COMMD1: variants seen among roughly 807,000 people sequenced by gnomAD.
The protein encoded by COMMD1 is copper metabolism domain containing 1.
A neutral mutation model predicts 17.2 loss-of-function variants in COMMD1; 10 were observed. That is an observed-to-expected ratio of 0.58 (90% CI 0.36 to 0.99). The LOEUF (loss-of-function observed/expected upper bound fraction) is 0.99, where lower values mean the gene tolerates loss of function less well. COMMD1 is among the 50% of genes least tolerant of loss of function. COMMD1 has a pLI of 0.01. For missense variants in COMMD1, 270 were observed against 231.8 expected (o/e 1.17, Z -1.07); for synonymous variants, 97 against 91.6 (o/e 1.06, Z -0.34).
At chr2:61,916,064 G>A (rs552436594) in intron 1 of COMMD1, among the ~76,000 whole-genome samples, 12 of 151,932 alleles carry the variant, frequency 7.9e-5, no homozygotes, top group Middle Eastern at 3.2e-3. Flanking sequence ...TTGACCTGTC[G>A]GGCTCAAGTG....
At chr2:61,909,413 C>T (rs1173826351) in intron 1 of COMMD1, among the ~76,000 whole-genome samples, 1 of 152,118 alleles carries the variant, frequency 6.6e-6, no homozygotes, top group African/African-American at 2.4e-5. Flanking sequence ...GCCATTTTTG[C>T]TGCCCTTGAA....
chr2:62,021,190 T>C (rs748491144), intron 2 of COMMD1, among the ~76,000 whole-genome samples: 11 of 152,176 alleles, frequency 7.2e-5, no homozygotes, highest in Non-Finnish European at 1.3e-4. Context: ...GTACTTGGGA[T>C]TTGAATTTTG....
At chr2:62,025,637 A>C (rs550893838) in intron 2 of COMMD1, among the ~76,000 whole-genome samples, 10 of 152,090 alleles carry the variant, frequency 6.6e-5, no homozygotes, top group Non-Finnish European at 1.2e-4. Context: ...GCTTTCTGAC[A>C]GGTAAGTAAA....
chr2:61,892,877 T>C (rs1342623262), intron 1 of COMMD1, among the ~76,000 whole-genome samples: 2 of 151,766 alleles, frequency 1.3e-5, no homozygotes, highest in East Asian at 1.9e-4. Flanking sequence ...TTCTTTTTTT[T>C]TCCCCCCTGA....
chr2:61,941,693 C>T (rs2103638491), intron 1 of COMMD1, among the ~76,000 whole-genome samples: 1 of 152,334 alleles, frequency 6.6e-6, no homozygotes, highest in African/African-American at 2.4e-5. Context: ...AGATCACATA[C>T]ATTCATCAGT....
At position 61,914,205 on chromosome 2, in the gene COMMD1, A is replaced by C. The variant is rs138074824; in HGVS notation, c.180+8347A>C. Among the ~76,000 whole-genome samples the C allele has an allele frequency of 3.5e-3, 533 of 152,136 alleles. 2 individuals are homozygous for C. Among genetic ancestry groups the C allele is most frequent in the African/African-American group, 0.012 (483 of 41,484 alleles). On this transcript the variant is annotated intron_variant, in intron 1 of 2. Coordinates refer to ENST00000311832, the MANE Select transcript of COMMD1 (RefSeq NM_152516.4). ...AAATAAATAAAATTGGAAACAATAT[A>C]ATATATAAATTATGTTTTGAAGTTG...
upstream of COMMD1, among the ~76,000 whole-genome samples, chr2:61,902,888 G>A (rs1669688185): frequency 6.6e-6 from 1 of 152,094 alleles, no homozygotes; most frequent in Non-Finnish European, 1.5e-5. Flanking sequence ...ATCAGTCAGT[G>A]TTACTAAGGT....
chr2:62,114,952 C>CT (rs1212499444), intron 2 of COMMD1, among the ~76,000 whole-genome samples: 1 of 152,012 alleles, frequency 6.6e-6, no homozygotes, highest in Non-Finnish European at 1.5e-5. Flanking sequence ...GAGTGAAGCA[C>CT]TTTTTTTTCC....
intron 1 of COMMD1, among the ~76,000 whole-genome samples, chr2:61,998,388 T>G (rs889133496): frequency 6.6e-6 from 1 of 151,966 alleles, no homozygotes; most frequent in East Asian, 1.9e-4. Context: ...GCCTCCTGAG[T>G]AGTTGGGATT....
intron 2 of COMMD1, among the ~76,000 whole-genome samples, chr2:62,063,868 A>AATAAATATAT (rs1553385536): frequency 6.2e-5 from 5 of 81,174 alleles, no homozygotes; most frequent in African/African-American, 2.0e-4. Context: ...GTCTCTACAA[A>AATAAATATAT]ATATATATAT....
intron 1 of COMMD1, among the ~76,000 whole-genome samples, chr2:61,930,693 T>C (rs1427017811): frequency 1.3e-5 from 2 of 151,832 alleles, no homozygotes; most frequent in African/African-American, 4.8e-5. Flanking sequence ...ACCAGAATTA[T>C]TTGTATCCAT....
chr2:61,909,147 C>T (rs1358584063), intron 1 of COMMD1, among the ~76,000 whole-genome samples: 1 of 151,900 alleles, frequency 6.6e-6, no homozygotes, highest in Non-Finnish European at 1.5e-5. Flanking sequence ...AGGCTGGTCC[C>T]GAGCTCCCGA....
At chr2:61,989,545 C>T (rs1051068799) in intron 1 of COMMD1, among the ~76,000 whole-genome samples, 1 of 151,834 alleles carries the variant, frequency 6.6e-6, no homozygotes, top group Non-Finnish European at 1.5e-5. Context: ...TCACTGCAAC[C>T]TCCACCTCCT....
chr2:61,930,005 T>TG (rs1670421209), intron 1 of COMMD1, among the ~76,000 whole-genome samples: 2 of 152,012 alleles, frequency 1.3e-5, no homozygotes, highest in Admixed American at 6.6e-5. Flanking sequence ...AAACCTAAGA[T>TG]GGGGGGAGGG....
At chr2:62,072,599 T>C (rs2103963195) in intron 2 of COMMD1, among the ~76,000 whole-genome samples, 1 of 152,324 alleles carries the variant, frequency 6.6e-6, no homozygotes, top group East Asian at 1.9e-4. Context: ...CGCTGTAACA[T>C]GTTCCTGGCC....
intron 2 of COMMD1, among the ~76,000 whole-genome samples, chr2:62,025,206 C>T (rs1337407171): frequency 6.6e-5 from 10 of 151,710 alleles, no homozygotes; most frequent in South Asian, 2.1e-4. Flanking sequence ...GGGGACAGAG[C>T]GAGACTCTGC....
At chr2:62,050,559 T>C (rs1670508086) in intron 2 of COMMD1, among the ~76,000 whole-genome samples, 1 of 152,240 alleles carries the variant, frequency 6.6e-6, no homozygotes, top group African/African-American at 2.4e-5. Context: ...TCTCTGCTAC[T>C]ATGTTTTGTT....
chr2:62,091,988 C>T lies in COMMD1; in HGVS notation c.463-43843C>T, dbSNP rs536471795. On this transcript the variant is annotated intron_variant, in intron 2 of 2. Coordinates refer to ENST00000311832, the MANE Select transcript of COMMD1 (RefSeq NM_152516.4). ...TTTAGAATGGTGCTGTTCCATATAA[C>T]ACTCTTCATTACATCCTGATCTGTA... Among the ~76,000 whole-genome samples, 239 of 152,302 alleles carry T rather than the reference C, an allele frequency of 1.6e-3. 3 individuals are homozygous for T. Among genetic ancestry groups the T allele is most frequent in the Non-Finnish European group, 2.3e-3 (154 of 68,026 alleles).
chr2:62,129,529 T>C (rs1672969194), intron 2 of COMMD1, among the ~76,000 whole-genome samples: 1 of 152,194 alleles, frequency 6.6e-6, no homozygotes, highest in African/African-American at 2.4e-5. Context: ...AGGAGCAGTA[T>C]CAATGATAAT....
Sources: gnomAD v4.1 joint callset for allele counts (sites outside exome capture counted in the v4.1 genomes callset) on GRCh38, gnomAD v4.1.1 for gene constraint, MANE v1.5 for transcripts, NCBI Gene and HGNC (gene_info 2026-07-23, HGNC 2026-07-21) for gene names.